The following RAPGEF5 variants were observed in gnomAD, a reference collection of about 807,000 sequenced individuals.
The protein encoded by RAPGEF5 is M-Ras-regulated GEF.
In RAPGEF5, 65 loss-of-function variants were observed where a neutral mutation model predicts 125.2. That is an observed-to-expected ratio of 0.52 (90% CI 0.43 to 0.64). The LOEUF is 0.64. RAPGEF5 is among the 30% of genes least tolerant of loss of function. The pLI is 0.00. For missense variants in RAPGEF5, 958 were observed against 1,048.1 expected, an observed-to-expected ratio of 0.91 and a Z score of 1.19; for synonymous variants, 391 against 385.9, an observed-to-expected ratio of 1.01 and a Z score of -0.16.
intron 1 of RAPGEF5, among the ~76,000 whole-genome samples, chr7:22,319,486 A>G (rs1335130202): frequency 2.0e-5 from 3 of 152,230 alleles, no homozygotes; most frequent in Non-Finnish European, 2.9e-5. Flanking sequence ...CCTGTTAAAG[A>G]TGTGTAGCTT....
chr7:22,260,069 C>T (rs888891224), intron 7 of RAPGEF5, among the ~76,000 whole-genome samples: 1 of 146,656 alleles, frequency 6.8e-6, no homozygotes, highest in African/African-American at 2.5e-5. Context: ...GTCTGGGCAA[C>T]AAGAGCAAAA....
At chr7:22,126,506 G>A (rs1782750304) in intron 24 of RAPGEF5, among the ~76,000 whole-genome samples, 1 of 152,220 alleles carries the variant, frequency 6.6e-6, no homozygotes. Flanking sequence ...TTACACATAT[G>A]TGCTGAATGG....
At chr7:22,274,235 C>T (rs1782506095) in intron 6 of RAPGEF5, among the ~76,000 whole-genome samples, 1 of 152,152 alleles carries the variant, frequency 6.6e-6, no homozygotes, top group South Asian at 2.1e-4. Flanking sequence ...GCATTTCCAG[C>T]CCATATTTCC....
intron 23 of RAPGEF5, among the ~76,000 whole-genome samples, chr7:22,131,952 T>A (rs2128099983): frequency 6.6e-6 from 1 of 152,260 alleles, no homozygotes; most frequent in Non-Finnish European, 1.5e-5. Flanking sequence ...GATGACAGCA[T>A]CAGGGAATCC....
At chr7:22,199,118 T>C (rs1252612390) in intron 9 of RAPGEF5, among the ~76,000 whole-genome samples, 1 of 152,190 alleles carries the variant, frequency 6.6e-6, no homozygotes, top group East Asian at 1.9e-4. Context: ...AGCCGGTTTT[T>C]AGTTCTGGAT....
At position 22,118,776 on chromosome 7, in the gene RAPGEF5, T is replaced by C. The variant is rs1223703240; in HGVS notation, c.*3630A>G. The C allele has an allele frequency of 6.6e-6, 1 of 152,600 alleles. No individual in the cohort carries two copies. Among genetic ancestry groups the C allele is most frequent in the Non-Finnish European group, 1.5e-5 (1 of 68,024 alleles). The allele number at this position is 152,600 out of a possible 1,614,324, so 9.5% of individuals were successfully genotyped here. The stretch of plus-strand genomic sequence containing the variant: ...GTATTTAATAACAGTGTGATACGAA[T>C]ACAATAAATAGACTATGCAAATAAA... On this transcript the variant is annotated 3_prime_UTR_variant, in exon 26 of 26. Coordinates refer to ENST00000665637, the MANE Select transcript of RAPGEF5 (RefSeq NM_012294.5).
At chr7:22,356,747 G>T in intron 1 of RAPGEF5, 83 bp downstream of exon 1, 2 of 715,356 alleles carry the variant, frequency 2.8e-6, no homozygotes, top group Non-Finnish European at 3.5e-6. Context: ...ACTTCCAGAC[G>T]CCCCCCTCAG....
At chr7:22,282,621 C>A (rs1338702615) in intron 6 of RAPGEF5, among the ~76,000 whole-genome samples, 1 of 152,168 alleles carries the variant, frequency 6.6e-6, no homozygotes, top group Non-Finnish European at 1.5e-5. Context: ...CTCTCCAATG[C>A]AATGGTAATA....
chr7:22,139,220 G>A (rs771759953), intron 21 of RAPGEF5, among the ~76,000 whole-genome samples: 1 of 152,058 alleles, frequency 6.6e-6, no homozygotes. Flanking sequence ...TGAGAGGACT[G>A]TGAGGGAGGC....
chr7:22,270,998 T>A (rs1449036343), intron 6 of RAPGEF5, among the ~76,000 whole-genome samples: 3 of 152,204 alleles, frequency 2.0e-5, no homozygotes, highest in African/African-American at 7.2e-5. Flanking sequence ...ACTGTAAACC[T>A]CTACTAGTGT....
chr7:22,191,475 TC>T, intron 11 of RAPGEF5: 1 of 436,884 alleles, frequency 2.3e-6, no homozygotes, highest in Admixed American at 2.5e-5. Flanking sequence ...TTTGTGTCCC[TC>T]CCCCAAACTC....
chr7:22,186,589 T>G (rs1583461844), intron 11 of RAPGEF5, among the ~76,000 whole-genome samples: 1 of 152,362 alleles, frequency 6.6e-6, no homozygotes, highest in East Asian at 1.9e-4. Context: ...AGGAGTTTTG[T>G]GTCTATTTTG....
chr7:22,290,694 G>A (rs1483632874), intron 6 of RAPGEF5, among the ~76,000 whole-genome samples: 7 of 144,802 alleles, frequency 4.8e-5, no homozygotes, highest in Non-Finnish European at 7.5e-5. Context: ...GCAGTGAGCC[G>A]AGATCCCGCC....
chr7:22,190,931 G>T (rs1344666036), intron 11 of RAPGEF5, among the ~76,000 whole-genome samples: 1 of 152,124 alleles, frequency 6.6e-6, no homozygotes, highest in Non-Finnish European at 1.5e-5. Context: ...GGCCCCAGAT[G>T]GCTCCATCTC....
chr7:22,235,007 G>A (rs1415575230), intron 7 of RAPGEF5, among the ~76,000 whole-genome samples: 1 of 152,134 alleles, frequency 6.6e-6, no homozygotes, highest in African/African-American at 2.4e-5. Flanking sequence ...ACTGTCGTGT[G>A]CTGACTCTCA....
chr7:22,311,062 A>G (rs897371027), intron 3 of RAPGEF5, among the ~76,000 whole-genome samples: 14 of 152,142 alleles, frequency 9.2e-5, no homozygotes, highest in African/African-American at 2.9e-4. Context: ...GTCATACTCT[A>G]TCACCCAGGG....
intron 20 of RAPGEF5, 76 bp downstream of exon 20, chr7:22,144,968 A>C: frequency 6.9e-7 from 1 of 1,441,160 alleles, no homozygotes; most frequent in Non-Finnish European, 9.3e-7. Flanking sequence ...TTATCATCAT[A>C]AGAAAGAAAG....
intron 21 of RAPGEF5, among the ~76,000 whole-genome samples, chr7:22,137,332 T>G (rs760672237): frequency 7.2e-5 from 11 of 152,306 alleles, no homozygotes; most frequent in Middle Eastern, 3.4e-3. Context: ...TCTTCCTGAG[T>G]GGGAAACAAT....
Position 22,194,025 on chromosome 7 carries a change from A to G in RAPGEF5, c.1005T>C (p.Asp335=), listed in dbSNP as rs1330549456. 6.2e-7 allele frequency: 1 copy of G among 1,612,926 alleles called. No individual in the cohort carries two copies. Among genetic ancestry groups the G allele is most frequent in the Non-Finnish European group, 8.5e-7 (1 of 1,179,430 alleles). Residue 335 remains aspartate, a synonymous_variant, in exon 10 of 26, where the codon GAT becomes GAC. Transcript: ENST00000665637. ...CTTTAACCTGAACAGTCGTCACTTCATCATCTTGCTTTAATTGTGGACAGG... is the reference window on the plus strand; with the variant it reads ...CTTTAACCTGAACAGTCGTCACTTCGTCATCTTGCTTTAATTGTGGACAGG... ...KEQEKSEHQD[D]EVTTVQVKEQ... is the part of the protein sequence containing the mutation.
Sources: gnomAD v4.1 joint callset for allele counts (sites outside exome capture counted in the v4.1 genomes callset) on GRCh38, gnomAD v4.1.1 for gene constraint, MANE v1.5 for transcripts, NCBI Gene and HGNC (gene_info 2026-07-23, HGNC 2026-07-21) for gene names.